Variants in RGS5 observed in about 807,000 individuals in gnomAD.
The protein encoded by RGS5 is regulator of G-protein signalling 5.
Under a neutral mutation model 18.9 loss-of-function variants are expected in RGS5, and 20 were observed. The observed-to-expected ratio is 1.06, with a 90% CI of 0.74 to 1.54. The LOEUF is 1.54. RGS5 is among the 40% of genes most tolerant of loss of function. The pLI is 0.00. For synonymous variants in RGS5, 57 were observed against 76.2 expected (o/e 0.75, Z 1.31); for missense variants, 201 against 211.8 (o/e 0.95, Z 0.32).
At chr1:163,212,193 A>G (rs1320534083) in intron 1 of RGS5, 1 of 152,122 alleles carries the variant, frequency 6.6e-6, no homozygotes, top group African/African-American at 2.4e-5. Flanking sequence ...TCCATTTCTA[A>G]CATGCTGGGG....
At chr1:163,256,545 A>C (rs1310647847) in intron 2 of RGS5, among the ~76,000 whole-genome samples, 1 of 152,222 alleles carries the variant, frequency 6.6e-6, no homozygotes, top group South Asian at 2.1e-4. Context: ...TAAGAAGAGT[A>C]TCATTAAAAC....
chr1:163,167,183 G>A (rs1192762337), intron 2 of RGS5, among the ~76,000 whole-genome samples: 2 of 152,152 alleles, frequency 1.3e-5, no homozygotes, highest in African/African-American at 4.8e-5. Context: ...AGGTCATTTG[G>A]ACAAAGGACA....
At chr1:163,157,323 C>A (rs1657625682) in intron 3 of RGS5, among the ~76,000 whole-genome samples, 1 of 152,102 alleles carries the variant, frequency 6.6e-6, no homozygotes, top group South Asian at 2.1e-4. Flanking sequence ...GCCCAACGTG[C>A]CTATGAAATG....
intron 1 of RGS5, among the ~76,000 whole-genome samples, chr1:163,209,881 G>A (rs1288578222): frequency 6.6e-6 from 1 of 152,036 alleles, no homozygotes; most frequent in African/African-American, 2.4e-5. Context: ...ATTGAGAAGG[G>A]CATATTTTTG....
chr1:163,184,196 C>T (rs1265910748), intron 1 of RGS5, among the ~76,000 whole-genome samples: 4 of 152,108 alleles, frequency 2.6e-5, no homozygotes, highest in African/African-American at 9.7e-5. Flanking sequence ...AACAGGGTGT[C>T]TTTAGGCTGA....
chr1:163,287,335 T>C (rs1649170435), intron 2 of RGS5, among the ~76,000 whole-genome samples: 1 of 152,218 alleles, frequency 6.6e-6, no homozygotes, highest in African/African-American at 2.4e-5. Flanking sequence ...CTGGGCTTTG[T>C]AGAGATACTC....
At chr1:163,186,110 C>A (rs1659059931) in intron 1 of RGS5, among the ~76,000 whole-genome samples, 1 of 149,330 alleles carries the variant, frequency 6.7e-6, no homozygotes, top group South Asian at 2.1e-4. Flanking sequence ...CTTGCTCTGT[C>A]ACCCAGGCTG....
intron 2 of RGS5, among the ~76,000 whole-genome samples, chr1:163,167,243 A>C (rs1391504835): frequency 6.6e-6 from 1 of 152,236 alleles, no homozygotes; most frequent in African/African-American, 2.4e-5. Context: ...AATGGAGGTT[A>C]AAGGGACTCC....
upstream of RGS5, chr1:163,206,832 C>T (rs2101666702): frequency 6.6e-6 from 1 of 152,234 alleles, no homozygotes; most frequent in East Asian, 1.9e-4. Context: ...ATAAAGCACC[C>T]AGTCTCAGGT....
intron 2 of RGS5, among the ~76,000 whole-genome samples, chr1:163,296,081 C>T (rs1649413018): frequency 6.6e-6 from 1 of 152,112 alleles, no homozygotes; most frequent in African/African-American, 2.4e-5. Context: ...TATTACAGTT[C>T]CAGTGAAGCC....
Position 163,167,244 on chromosome 1 carries a change from A to G in RGS5, c.155+1014T>C, listed in dbSNP as rs567567654. ...CATTTAAAAAGAGAAATGGAGGTTA[A>G]AGGGACTCCTATATTTTTACCACAC... On this transcript the variant is annotated intron_variant, in intron 2 of 4. Coordinates refer to ENST00000313961, the MANE Select transcript of RGS5 (RefSeq NM_003617.4). 7.9e-5 allele frequency among the ~76,000 whole-genome samples: 12 copies of G among 152,342 alleles called. No individual in the cohort carries two copies. The South Asian group carries it at 2.5e-3, about 32-fold the overall frequency.
intron 2 of RGS5, among the ~76,000 whole-genome samples, chr1:163,292,416 T>C (rs2101726435): frequency 6.6e-6 from 1 of 152,334 alleles, no homozygotes; most frequent in Non-Finnish European, 1.5e-5. Context: ...ATCCAGTCTA[T>C]CATTGATGGG....
chr1:163,194,993 A>G lies in RGS5; in HGVS notation c.44+7799T>C, dbSNP rs984401094. Among the ~76,000 whole-genome samples the G allele has an allele frequency of 2.7e-4, 41 of 152,170 alleles. 1 individual carries two copies. Among genetic ancestry groups the G allele is most frequent in the Non-Finnish European group, 2.9e-5 (2 of 68,012 alleles). ...GAACACTTTTATACTGCTGGTGGGA[A>G]TATAAATTAGTACAACCTCTATGGA... On this transcript the variant is annotated intron_variant, in intron 1 of 4. Coordinates refer to ENST00000313961, the MANE Select transcript of RGS5 (RefSeq NM_003617.4).
chr1:163,300,847 T>A (rs1649534883), intron 2 of RGS5, among the ~76,000 whole-genome samples: 1 of 152,214 alleles, frequency 6.6e-6, no homozygotes, highest in South Asian at 2.1e-4. Context: ...CCTGTAGGAA[T>A]CCTAGTGTGT....
At chr1:163,286,323 TCGGGGAG>T (rs1288483530) in intron 2 of RGS5, among the ~76,000 whole-genome samples, 1 of 152,044 alleles carries the variant, frequency 6.6e-6, no homozygotes, top group Non-Finnish European at 1.5e-5. Flanking sequence ...TTTAGTATCC[TCGGGGAG>T]TAGGGAGTAG....
chr1:163,256,318 C>A (rs987419132), intron 2 of RGS5, among the ~76,000 whole-genome samples: 16 of 140,040 alleles, frequency 1.1e-4, no homozygotes, highest in Non-Finnish European at 2.0e-4. Context: ...ACACCAATAA[C>A]AGACAAACAG....
chr1:163,181,978 G>A (rs1658870056), intron 1 of RGS5, among the ~76,000 whole-genome samples: 1 of 152,064 alleles, frequency 6.6e-6, no homozygotes. Flanking sequence ...TCATAGATAT[G>A]TTGCGATGCT....
intron 2 of RGS5, chr1:163,237,454 A>G (rs2101688508): frequency 6.6e-6 from 1 of 152,418 alleles, no homozygotes; most frequent in South Asian, 2.1e-4. Context: ...GGCTGACAAG[A>G]TGGACAAATT....
intron 2 of RGS5, among the ~76,000 whole-genome samples, chr1:163,294,823 C>T (rs752905785): frequency 3.9e-5 from 6 of 152,138 alleles, no homozygotes; most frequent in Non-Finnish European, 8.8e-5. Context: ...AAAAACGGGT[C>T]ACCTCTTGAA....
Sources: gnomAD v4.1 joint callset for allele counts (sites outside exome capture counted in the v4.1 genomes callset) on GRCh38, gnomAD v4.1.1 for gene constraint, MANE v1.5 for transcripts, NCBI Gene and HGNC (gene_info 2026-07-23, HGNC 2026-07-21) for gene names.